PRKG1: variants seen among roughly 807,000 people sequenced by gnomAD.
The protein encoded by PRKG1 is cGMP-dependent protein kinase 1.
A neutral mutation model predicts 88.1 loss-of-function variants in PRKG1; 35 were observed. The ratio of observed to expected loss-of-function variants is 0.40; its 90% CI spans 0.30 to 0.53. The LOEUF is 0.53. Among genes scored for constraint, PRKG1 ranks in the 20% least tolerant of loss-of-function variants. PRKG1 has a pLI of 0.59. For missense variants in PRKG1, 540 were observed against 839.8 expected (o/e 0.64, Z 4.41); for synonymous variants, 303 against 292.5 (o/e 1.04, Z -0.37).
intron 3 of PRKG1, among the ~76,000 whole-genome samples, chr10:51,541,531 G>A (rs1842302138): frequency 6.6e-6 from 1 of 152,004 alleles, no homozygotes; most frequent in African/African-American, 2.4e-5. Context: ...ACAATTCAGA[G>A]GTTTAAAATA....
At chr10:52,217,213 T>C (rs1840133099) in intron 9 of PRKG1, among the ~76,000 whole-genome samples, 1 of 152,134 alleles carries the variant, frequency 6.6e-6, no homozygotes, top group Non-Finnish European at 1.5e-5. Context: ...AGTAAGTTTA[T>C]CCTACTTCCT....
At chr10:52,211,146 G>T (rs1400715049) in intron 9 of PRKG1, among the ~76,000 whole-genome samples, 1 of 152,042 alleles carries the variant, frequency 6.6e-6, no homozygotes, top group East Asian at 1.9e-4. Context: ...CGGATAGTCT[G>T]TTCTTTTAAA....
At chr10:51,973,302 G>A (rs1005810804) in intron 5 of PRKG1, among the ~76,000 whole-genome samples, 2 of 152,118 alleles carry the variant, frequency 1.3e-5, no homozygotes, top group African/African-American at 4.8e-5. Context: ...TGAATCTCAC[G>A]CTGCCTCCCT....
chr10:52,289,269 A>T (rs1255710518), intron 16 of PRKG1, among the ~76,000 whole-genome samples: 3 of 152,082 alleles, frequency 2.0e-5, no homozygotes, highest in Admixed American at 6.6e-5. Flanking sequence ...GGAAATGTGT[A>T]TTTTAAATTT....
intron 5 of PRKG1, among the ~76,000 whole-genome samples, chr10:52,004,910 G>A (rs953946260): frequency 6.6e-6 from 1 of 152,086 alleles, no homozygotes; most frequent in African/African-American, 2.4e-5. Context: ...CTAGGTGACA[G>A]ACTGATACCC....
At chr10:52,146,620 A>G (rs1032565055) in intron 8 of PRKG1, among the ~76,000 whole-genome samples, 7 of 152,208 alleles carry the variant, frequency 4.6e-5, no homozygotes, top group African/African-American at 1.7e-4. Flanking sequence ...ATTATAGCAC[A>G]TACTTTACCA....
chr10:51,116,743 G>A (rs1195565818), intron 1 of PRKG1, among the ~76,000 whole-genome samples: 2 of 152,184 alleles, frequency 1.3e-5, no homozygotes, highest in Non-Finnish European at 2.9e-5. Context: ...ACCAGTGGGA[G>A]ATGATGGGAG....
chr10:51,564,043 A>T (rs558054237), intron 3 of PRKG1, among the ~76,000 whole-genome samples: 159 of 152,276 alleles, frequency 1.0e-3, no homozygotes, highest in African/African-American at 3.7e-3. Context: ...CAGGTCAGCT[A>T]AGAGAATCAG....
rs574336700 is a variant in PRKG1 at position 52,008,050 on chromosome 10, G to T, written c.763-46434G>T. On this transcript the variant is annotated intron_variant, in intron 5 of 17. Coordinates refer to ENST00000373980, the MANE Select transcript of PRKG1 (RefSeq NM_006258.4). ...ACTTTTGGAAAATAATGTAATTAAGGCAGAAATCAAGAAAATCTTTGAAAC... is the reference window on the plus strand; with the variant it reads ...ACTTTTGGAAAATAATGTAATTAAGTCAGAAATCAAGAAAATCTTTGAAAC... Among the ~76,000 whole-genome samples, 3 of 152,128 alleles carry T rather than the reference G, an allele frequency of 2.0e-5. No individual in the cohort carries two copies. In the South Asian group the frequency reaches 6.2e-4, roughly 32 times the overall value.
At chr10:52,004,711 C>T (rs1844686363) in intron 5 of PRKG1, among the ~76,000 whole-genome samples, 1 of 152,134 alleles carries the variant, frequency 6.6e-6, no homozygotes, top group Non-Finnish European at 1.5e-5. Flanking sequence ...TCATAATTTA[C>T]TTAATTTGCT....
intron 7 of PRKG1, among the ~76,000 whole-genome samples, chr10:52,075,085 A>G (rs1846595635): frequency 6.6e-6 from 1 of 152,230 alleles, no homozygotes; most frequent in Non-Finnish European, 1.5e-5. Flanking sequence ...TTCCTGGGCC[A>G]TTTCGAAAAA....
At chr10:52,110,862 T>C (rs1847547322) in intron 7 of PRKG1, among the ~76,000 whole-genome samples, 1 of 152,154 alleles carries the variant, frequency 6.6e-6, no homozygotes, top group South Asian at 2.1e-4. Context: ...CTAGGTAGAA[T>C]GGCCATCCTC....
chr10:52,011,706 G>A (rs566852608), intron 5 of PRKG1, among the ~76,000 whole-genome samples: 61 of 152,180 alleles, frequency 4.0e-4, no homozygotes, highest in Non-Finnish European at 4.9e-4. Flanking sequence ...TTTTAACATT[G>A]CCTCCATTTC....
At chr10:51,296,009 C>A (rs960308937) in intron 2 of PRKG1, among the ~76,000 whole-genome samples, 2 of 152,008 alleles carry the variant, frequency 1.3e-5, no homozygotes, top group Admixed American at 6.6e-5. Flanking sequence ...CATCTTTACA[C>A]CCCAGGGATA....
intron 10 of PRKG1, among the ~76,000 whole-genome samples, chr10:52,254,651 TGAAG>T (rs1841265155): frequency 6.6e-6 from 1 of 152,080 alleles, no homozygotes; most frequent in Admixed American, 6.6e-5. Context: ...TGTTTGTGTG[TGAAG>T]GTAGTTACAC....
intron 9 of PRKG1, among the ~76,000 whole-genome samples, chr10:52,193,563 C>CAAAAAAAAAAAAAAAAAAAAA (rs67349420): frequency 8.4e-6 from 1 of 118,522 alleles, no homozygotes; most frequent in African/African-American, 3.3e-5. Flanking sequence ...AAAAAAAAAA[C>CAAAAAAAAAAAAAAAAAAAAA]AAAAAAAAAA....
At chr10:51,968,035 C>T (rs902046075) in intron 5 of PRKG1, among the ~76,000 whole-genome samples, 7 of 152,084 alleles carry the variant, frequency 4.6e-5, no homozygotes, top group East Asian at 1.9e-4. Flanking sequence ...AGTGTTTAGC[C>T]GTTTCCTTCT....
At chr10:51,874,589 A>G (rs1351627842) in intron 4 of PRKG1, among the ~76,000 whole-genome samples, 2 of 152,212 alleles carry the variant, frequency 1.3e-5, no homozygotes, top group Non-Finnish European at 2.9e-5. Flanking sequence ...ATCTAAATAA[A>G]GCTTTGCTGG....
At chr10:51,773,971 A>G (rs1468886182) in intron 3 of PRKG1, among the ~76,000 whole-genome samples, 1 of 152,132 alleles carries the variant, frequency 6.6e-6, no homozygotes, top group African/African-American at 2.4e-5. Flanking sequence ...GAGAAAAACA[A>G]CAAAGTACAG....
Sources: gnomAD v4.1 joint callset for allele counts (sites outside exome capture counted in the v4.1 genomes callset) on GRCh38, gnomAD v4.1.1 for gene constraint, MANE v1.5 for transcripts, NCBI Gene and HGNC (gene_info 2026-07-23, HGNC 2026-07-21) for gene names.